ABHD2: variants seen among roughly 807,000 people sequenced by gnomAD.
ABHD2 encodes abhydrolase domain containing 2, acylglycerol lipase, also known as monoacylglycerol lipase ABHD2.
Under a neutral mutation model 48.1 loss-of-function variants are expected in ABHD2, and 20 were observed. The ratio of observed to expected loss-of-function variants is 0.42; its 90% confidence interval spans 0.29 to 0.60. The LOEUF (loss-of-function observed/expected upper bound fraction) is 0.60. ABHD2 is among the 20% of genes least tolerant of loss of function. The probability of loss-of-function intolerance (pLI) is 0.24; values close to 1 mark genes in which losing one functional copy is unlikely to be tolerated. For synonymous variants in ABHD2, 209 were observed against 214.2 expected, an observed-to-expected ratio of 0.98 and a Z score of 0.21; for missense variants, 405 against 550.9, an observed-to-expected ratio of 0.74 and a Z score of 2.65.
chr15:89,181,422 T>C (rs2051113085), intron 6 of ABHD2, among the ~76,000 whole-genome samples: 2 of 152,210 alleles, frequency 1.3e-5, no homozygotes, highest in South Asian at 2.1e-4. Context: ...TAAGGTTTCA[T>C]TAGCATATTG....
chr15:89,073,042 G>C, the ABHD2 span, among the ~76,000 whole-genome samples: 1 of 152,008 alleles, frequency 6.6e-6, no homozygotes, highest in African/African-American at 2.4e-5. Context: ...AAAAGTATTT[G>C]CTCTTTATCT....
In ABHD2 at chr15:89,185,607, AGG is replaced by A; in HGVS notation, c.815+94_815+95del. 8.8e-7 allele frequency: 1 copy of A among 1,130,156 alleles called. No homozygotes were observed. 70.0% of individuals were successfully genotyped at this position (1,130,156 alleles called of 1,614,324 possible). On this transcript the variant is annotated intron_variant, in intron 7 of 10. Coordinates refer to ENST00000352732, the MANE Select transcript of ABHD2 (RefSeq NM_152924.5). This position sits in a 1 kb window ranked among gnomAD's most constrained non-coding sequence, Gnocchi z 5.9. ...GAAAAGCCAGGACTCCTGTTCCTTC[AGG>A]GGAAAAAAAAAAATGCAGGTGTGGT...
chr15:89,160,666 G>C (rs60746758), intron 5 of ABHD2, among the ~76,000 whole-genome samples: 1 of 152,140 alleles, frequency 6.6e-6, no homozygotes, highest in Non-Finnish European at 1.5e-5. Flanking sequence ...GCTTAGCTGA[G>C]GGGCCTCTGT....
chr15:89,172,033 TAA>T (rs71149278), intron 5 of ABHD2, among the ~76,000 whole-genome samples: 13 of 150,510 alleles, frequency 8.6e-5, no homozygotes, highest in African/African-American at 3.2e-4. Context: ...GCTTTTTTTT[TAA>T]AAAAAATCCC....
At chr15:89,150,442 C>T (rs970568253) in intron 3 of ABHD2, among the ~76,000 whole-genome samples, 2 of 152,158 alleles carry the variant, frequency 1.3e-5, no homozygotes, top group Non-Finnish European at 2.9e-5. Flanking sequence ...CTTCCAAATG[C>T]CATGGCTTTT....
intron 1 of ABHD2, among the ~76,000 whole-genome samples, chr15:89,110,687 C>A (rs2049860260): frequency 6.6e-6 from 1 of 152,168 alleles, no homozygotes; most frequent in Non-Finnish European, 1.5e-5. Context: ...GCAGAACTGA[C>A]CTGTACCTCA....
At chr15:89,054,775 A>G in the ABHD2 span, among the ~76,000 whole-genome samples, 1 of 152,184 alleles carries the variant, frequency 6.6e-6, no homozygotes, top group Admixed American at 6.5e-5. Flanking sequence ...AAAGTCTTTT[A>G]TTCTCTGCAT....
intron 1 of ABHD2, chr15:89,093,892 T>C (rs995429347): frequency 9.8e-5 from 15 of 152,288 alleles, no homozygotes; most frequent in African/African-American, 3.4e-4. Context: ...CATGGTCTTA[T>C]AGTCTTCAGT....
chr15:89,138,771 T>C (rs1419430325), intron 3 of ABHD2, among the ~76,000 whole-genome samples: 2 of 152,158 alleles, frequency 1.3e-5, no homozygotes, highest in Admixed American at 1.3e-4. Context: ...TTTTAACTTC[T>C]GGTTGGGGGA....
Position 89,200,954 on chromosome 15 carries a change from C to T in ABHD2, c.*5531C>T, listed in dbSNP as rs1183778991. 10 of 472,796 alleles carry T rather than the reference C, an allele frequency of 2.1e-5. 1 individual carries two copies. Among genetic ancestry groups the T allele is most frequent in the South Asian group, 5.2e-5 (2 of 38,500 alleles). The allele number at this position is 472,796 out of a possible 1,614,324, so 29.3% of individuals were successfully genotyped here. On this transcript the variant is annotated 3_prime_UTR_variant, in exon 11 of 11. Transcript: ENST00000352732. ...AAAATTAGCTGGGTGTGGTGGCGGGCGCCTGTAATCCCAGCTACTCGGGAG... is the reference window on the plus strand; with the variant it reads ...AAAATTAGCTGGGTGTGGTGGCGGGTGCCTGTAATCCCAGCTACTCGGGAG...
intron 3 of ABHD2, among the ~76,000 whole-genome samples, chr15:89,147,778 T>A (rs1260694400): frequency 6.6e-6 from 1 of 151,958 alleles, no homozygotes; most frequent in Non-Finnish European, 1.5e-5. Context: ...ATAAAAGATA[T>A]TTTTATAACT....
chr15:89,183,384 A>AAAAAAAAAAAATATAT (rs61602174), intron 6 of ABHD2: 1 of 46,266 alleles, frequency 2.2e-5, no homozygotes, highest in Non-Finnish European at 4.2e-5. Flanking sequence ...AAAAAAAAAA[A>AAAAAAAAAAAATATAT]ATATATATAT....
chr15:89,140,250 C>T (rs2050380859), intron 3 of ABHD2, among the ~76,000 whole-genome samples: 1 of 152,170 alleles, frequency 6.6e-6, no homozygotes, highest in Non-Finnish European at 1.5e-5. Flanking sequence ...GTGGACCTGA[C>T]ATTTTATGGT....
chr15:89,191,860 C>A (rs945101674), intron 9 of ABHD2, among the ~76,000 whole-genome samples: 9 of 152,126 alleles, frequency 5.9e-5, no homozygotes, highest in African/African-American at 2.2e-4. Context: ...AACTCCTCAC[C>A]TCGTGATCTG....
chr15:89,129,101 CCACAGGATGTG>C (rs1273806760), intron 3 of ABHD2, among the ~76,000 whole-genome samples: 3 of 152,110 alleles, frequency 2.0e-5, no homozygotes, highest in African/African-American at 7.2e-5. Flanking sequence ...TGGGGCTTGT[CCACAGGATGTG>C]CACAGGGTTA....
chr15:89,095,169 A>T (rs931591960), intron 1 of ABHD2, among the ~76,000 whole-genome samples: 1 of 152,194 alleles, frequency 6.6e-6, no homozygotes, highest in Non-Finnish European at 1.5e-5. Flanking sequence ...AGCTTACTAA[A>T]AAGGTTGAGT....
At chr15:89,049,598 G>A in the ABHD2 span, among the ~76,000 whole-genome samples, 4 of 152,374 alleles carry the variant, frequency 2.6e-5, no homozygotes, top group South Asian at 2.1e-4. Context: ...CTCGTGCGCC[G>A]TTTTTTAAGC....
chr15:89,187,531 G>C (rs1024534998), intron 7 of ABHD2, among the ~76,000 whole-genome samples: 4 of 152,160 alleles, frequency 2.6e-5, no homozygotes. Flanking sequence ...GTGTGACTGA[G>C]AGCCCTTGCT....
rs2050695781 is a variant in ABHD2 at position 89,157,673 on chromosome 15, C to G, written c.538+2139C>G. On this transcript the variant is annotated intron_variant, in intron 5 of 10. Coordinates refer to ENST00000352732, the MANE Select transcript of ABHD2 (RefSeq NM_152924.5). Reference sequence around the variant, plus strand: ...CCTGGCTAACATGGTGAAACCCCATCTCTACTAAAAATACGAAAAAGTAGC... The same window carrying G: ...CCTGGCTAACATGGTGAAACCCCATGTCTACTAAAAATACGAAAAAGTAGC... 2.0e-5 allele frequency among the ~76,000 whole-genome samples: 3 copies of G among 152,182 alleles called. No homozygotes were observed. The South Asian group carries it at 6.2e-4, about 32-fold the overall frequency.
Sources: allele counts gnomAD v4.1 joint callset (sites outside exome capture counted in the v4.1 genomes callset), GRCh38; gene constraint gnomAD v4.1.1; non-coding constraint Gnocchi (gnomAD v3.1); transcripts MANE v1.5; gene names NCBI Gene and HGNC (gene_info 2026-07-23, HGNC 2026-07-21).